SGCZ: variants seen among roughly 807,000 people sequenced by gnomAD.
The protein encoded by SGCZ is zeta-sarcoglycan.
In SGCZ, 40 loss-of-function variants were observed where a neutral mutation model predicts 41.3. That is an observed-to-expected ratio of 0.97 (90% CI 0.75 to 1.26). The LOEUF is 1.26. Among genes scored for constraint, SGCZ ranks in the 50% most tolerant of loss-of-function variants. SGCZ has a pLI of 0.00. For missense variants in SGCZ, 552 were observed against 369.8 expected (o/e 1.49, Z -4.04); for synonymous variants, 206 against 137.5 (o/e 1.50, Z -3.49).
At chr8:14,860,684 G>A (rs1340305558) in intron 1 of SGCZ, among the ~76,000 whole-genome samples, 1 of 130,788 alleles carries the variant, frequency 7.6e-6, no homozygotes, top group African/African-American at 3.0e-5. Context: ...AAGAGAGAAA[G>A]AAAGAAAGAA....
At chr8:14,620,484 C>A (rs1310857844) in intron 1 of SGCZ, among the ~76,000 whole-genome samples, 2 of 152,064 alleles carry the variant, frequency 1.3e-5, no homozygotes, top group African/African-American at 2.4e-5. Flanking sequence ...AAAGAAACTA[C>A]CATCAGAGTG....
At chr8:14,908,583 C>G (rs2130772597) in intron 1 of SGCZ, among the ~76,000 whole-genome samples, 1 of 152,050 alleles carries the variant, frequency 6.6e-6, no homozygotes, top group East Asian at 1.9e-4. Context: ...AACCCCATTT[C>G]TACTAAATAC....
chr8:14,257,359 A>AG (rs1412646871), intron 3 of SGCZ, among the ~76,000 whole-genome samples: 1 of 123,224 alleles, frequency 8.1e-6, no homozygotes, highest in African/African-American at 2.6e-5. Flanking sequence ...GAAAAAAAAA[A>AG]GAAGAAAGAA....
chr8:15,106,279 CAA>C (rs530462011), intron 1 of SGCZ, among the ~76,000 whole-genome samples: 66 of 152,082 alleles, frequency 4.3e-4, no homozygotes, highest in African/African-American at 1.5e-3. Flanking sequence ...TTGATATTTT[CAA>C]AAGTGTCACA....
intron 5 of SGCZ, among the ~76,000 whole-genome samples, chr8:14,154,521 G>A (rs1214052416): frequency 6.6e-6 from 1 of 152,142 alleles, no homozygotes; most frequent in Non-Finnish European, 1.5e-5. Flanking sequence ...GTTACCCGTG[G>A]TTTATTAATA....
At chr8:14,234,100 G>C (rs911321070) in intron 4 of SGCZ, among the ~76,000 whole-genome samples, 1 of 151,876 alleles carries the variant, frequency 6.6e-6, no homozygotes. Context: ...ATAAAGCCTG[G>C]AACTTCATCA....
intron 2 of SGCZ, among the ~76,000 whole-genome samples, chr8:14,442,053 C>A (rs559893107): frequency 5.3e-5 from 8 of 152,298 alleles, no homozygotes; most frequent in African/African-American, 1.9e-4. Flanking sequence ...AGGCCATAAC[C>A]AGAGACATTC....
intron 1 of SGCZ, among the ~76,000 whole-genome samples, chr8:14,615,009 T>C (rs1437871512): frequency 1.4e-5 from 2 of 147,194 alleles, no homozygotes; most frequent in African/African-American, 4.9e-5. Context: ...TGTGTGTGTG[T>C]GTGTATATAT....
intron 1 of SGCZ, among the ~76,000 whole-genome samples, chr8:14,644,120 G>A (rs1025676655): frequency 1.3e-5 from 2 of 151,674 alleles, no homozygotes; most frequent in African/African-American, 4.8e-5. Flanking sequence ...CTATTGTGAT[G>A]GTTAATGTTA....
At chr8:14,427,064 A>ATGAG (rs1413497513) in intron 2 of SGCZ, among the ~76,000 whole-genome samples, 12 of 92,886 alleles carry the variant, frequency 1.3e-4, no homozygotes, top group African/African-American at 3.6e-4. Flanking sequence ...GAATGAATGA[A>ATGAG]TGAGTGAATG....
intron 1 of SGCZ, among the ~76,000 whole-genome samples, chr8:14,727,612 G>A (rs1300348036): frequency 2.0e-5 from 3 of 151,328 alleles, no homozygotes; most frequent in East Asian, 2.0e-4. Context: ...CCGGATTCAC[G>A]CCATTCTCCT....
At chr8:15,140,482 C>T (rs1245521613) in intron 1 of SGCZ, among the ~76,000 whole-genome samples, 2 of 152,104 alleles carry the variant, frequency 1.3e-5, no homozygotes, top group Admixed American at 6.5e-5. Context: ...ATTTTTCACC[C>T]TCTTGAGGAT....
At chr8:14,390,463 T>C (rs1804730535) in intron 2 of SGCZ, among the ~76,000 whole-genome samples, 1 of 151,820 alleles carries the variant, frequency 6.6e-6, no homozygotes. Flanking sequence ...TGCATATATA[T>C]GTAGATAAAT....
At chr8:15,067,696 T>C (rs1805204412) in intron 1 of SGCZ, among the ~76,000 whole-genome samples, 1 of 152,228 alleles carries the variant, frequency 6.6e-6, no homozygotes, top group Non-Finnish European at 1.5e-5. Context: ...AACCTCTATC[T>C]ACCTCAAAAC....
intron 1 of SGCZ, among the ~76,000 whole-genome samples, chr8:14,667,435 C>T (rs1461684273): frequency 6.6e-6 from 1 of 152,120 alleles, no homozygotes; most frequent in Non-Finnish European, 1.5e-5. Context: ...ATCATCGAAC[C>T]CTGGACTCAT....
rs371898464 is a variant in SGCZ, at chr8:14,457,862, G to T, written c.234+96870C>A. On this transcript the variant is annotated intron_variant, in intron 2 of 7. Coordinates refer to ENST00000382080, the MANE Select transcript of SGCZ (RefSeq NM_139167.4). ...TAAATAACAGCGCAGCCAGACATTC[G>T]GGGCCACTACCGGTCTCCGCGCATT... Among the ~76,000 whole-genome samples the T allele has an allele frequency of 3.9e-5, 6 of 152,086 alleles. No individual in the cohort carries two copies. In the South Asian group the frequency reaches 1.2e-3, roughly 32 times the overall value.
At chr8:15,085,362 A>G (rs1191118547) in intron 1 of SGCZ, among the ~76,000 whole-genome samples, 2 of 152,200 alleles carry the variant, frequency 1.3e-5, no homozygotes, top group Non-Finnish European at 2.9e-5. Flanking sequence ...AAAGGTGATC[A>G]TGTAGAAGAC....
intron 1 of SGCZ, among the ~76,000 whole-genome samples, chr8:14,917,187 T>C (rs1021733469): frequency 3.9e-5 from 6 of 152,126 alleles, no homozygotes; most frequent in East Asian, 1.9e-4. Context: ...GTCAGCTTTA[T>C]AGGGAAAAGG....
intron 2 of SGCZ, among the ~76,000 whole-genome samples, chr8:14,498,225 T>C (rs1037680687): frequency 1.3e-5 from 2 of 152,202 alleles, no homozygotes; most frequent in Admixed American, 6.5e-5. Context: ...TGCCAGCCTT[T>C]GATGGAATGA....
Sources: gnomAD v4.1 joint callset for allele counts (sites outside exome capture counted in the v4.1 genomes callset) on GRCh38, gnomAD v4.1.1 for gene constraint, MANE v1.5 for transcripts, NCBI Gene and HGNC (gene_info 2026-07-23, HGNC 2026-07-21) for gene names.